RBL1: variants seen among roughly 807,000 people sequenced by gnomAD.
RBL1 encodes the protein retinoblastoma-like protein 1.
Under a neutral mutation model 123.0 loss-of-function variants are expected in RBL1, and 82 were observed. The observed-to-expected ratio is 0.67, with a 90% CI of 0.56 to 0.80. The LOEUF is 0.80. Ranked by LOEUF, RBL1 falls within the 30% of genes least tolerant of loss-of-function variation. RBL1 has a pLI of 0.00. For missense variants in RBL1, 1,171 were observed against 1,299.6 expected (o/e 0.90, Z 1.52); for synonymous variants, 405 against 441.3 (o/e 0.92, Z 1.03).
At chr20:37,072,324 C>T (rs1484890460) in intron 2 of RBL1, among the ~76,000 whole-genome samples, 1 of 152,032 alleles carries the variant, frequency 6.6e-6, no homozygotes, top group Non-Finnish European at 1.5e-5. Context: ...CAAAATTAGC[C>T]GGGCGTGGTG....
intron 2 of RBL1, among the ~76,000 whole-genome samples, chr20:37,080,977 T>G (rs946842311): frequency 7.9e-5 from 12 of 152,116 alleles, no homozygotes; most frequent in African/African-American, 2.9e-4. Flanking sequence ...ATGCATTGGG[T>G]GAAATCCTCT....
chr20:37,048,793 G>A (rs2064855312), intron 11 of RBL1, among the ~76,000 whole-genome samples: 2 of 151,700 alleles, frequency 1.3e-5, no homozygotes, highest in South Asian at 4.2e-4. Flanking sequence ...GCGAGGTGCA[G>A]CAGCATGCAC....
chr20:37,058,552 G>T (rs1304378004), intron 9 of RBL1, among the ~76,000 whole-genome samples: 3 of 150,466 alleles, frequency 2.0e-5, no homozygotes, highest in Non-Finnish European at 4.4e-5. Flanking sequence ...AAGAAACAAT[G>T]ACCAGGTTTT....
At chr20:37,032,312 T>G (rs1055649239) in intron 16 of RBL1, among the ~76,000 whole-genome samples, 1 of 152,036 alleles carries the variant, frequency 6.6e-6, no homozygotes, top group Non-Finnish European at 1.5e-5. Flanking sequence ...GCTAAGCCAG[T>G]CACAAAAACA....
At chr20:37,003,364 T>A (rs2146198231) in intron 21 of RBL1, among the ~76,000 whole-genome samples, 1 of 152,282 alleles carries the variant, frequency 6.6e-6, no homozygotes, top group South Asian at 2.1e-4. Context: ...ATCTACCAAA[T>A]GCACTTTCAC....
At chr20:37,022,556 G>A in intron 17 of RBL1, 94 bp downstream of exon 17, 5 of 1,182,438 alleles carry the variant, frequency 4.2e-6, no homozygotes, top group Non-Finnish European at 5.8e-6. Flanking sequence ...CGAAATCCTG[G>A]GCTCAAGCTA....
intron 11 of RBL1, among the ~76,000 whole-genome samples, chr20:37,050,946 A>G (rs2064900664): frequency 6.6e-6 from 1 of 152,124 alleles, no homozygotes; most frequent in African/African-American, 2.4e-5. Context: ...AATAGAAAAT[A>G]ATGCAACAGT....
At chr20:37,011,928 C>T (rs1450324930) in intron 19 of RBL1, among the ~76,000 whole-genome samples, 1 of 152,224 alleles carries the variant, frequency 6.6e-6, no homozygotes, top group Admixed American at 6.5e-5. Context: ...GATGCCGAGC[C>T]GAAGCTGGAC....
intron 15 of RBL1, among the ~76,000 whole-genome samples, chr20:37,034,182 T>G (rs2064565622): frequency 6.6e-6 from 1 of 151,132 alleles, no homozygotes; most frequent in Non-Finnish European, 1.5e-5. Context: ...AGTGATCCTC[T>G]TGCCTTGGTC....
intron 2 of RBL1, among the ~76,000 whole-genome samples, chr20:37,087,766 GA>G (rs2065573545): frequency 6.6e-6 from 1 of 151,422 alleles, no homozygotes. Flanking sequence ...GTACTTCCAG[GA>G]AAAAAAATGC....
At chr20:37,061,669 T>C (rs529632536) in intron 8 of RBL1, among the ~76,000 whole-genome samples, 89 of 152,318 alleles carry the variant, frequency 5.8e-4, no homozygotes, top group African/African-American at 2.0e-3. Flanking sequence ...AATACAGAGT[T>C]AAGCCTTGGC....
At chr20:37,085,835 G>A (rs2065536537) in intron 2 of RBL1, among the ~76,000 whole-genome samples, 1 of 151,854 alleles carries the variant, frequency 6.6e-6, no homozygotes, top group Non-Finnish European at 1.5e-5. Context: ...ATTTTTAGTA[G>A]AGATGAGGTT....
chr20:37,003,196 C>G (rs1379035305), intron 21 of RBL1, among the ~76,000 whole-genome samples: 1 of 152,200 alleles, frequency 6.6e-6, no homozygotes, highest in Non-Finnish European at 1.5e-5. Context: ...ACATACTGAA[C>G]ATATCTGCTT....
At chr20:37,082,019 A>G (rs775452744) in intron 2 of RBL1, 10 of 456,124 alleles carry the variant, frequency 2.2e-5, no homozygotes, top group Non-Finnish European at 4.0e-5. Flanking sequence ...GACATAGGGC[A>G]GCAGCAGCCC....
At chr20:37,005,517 A>G (rs2064056550) in intron 20 of RBL1, among the ~76,000 whole-genome samples, 2 of 149,072 alleles carry the variant, frequency 1.3e-5, no homozygotes, top group Admixed American at 6.6e-5. Context: ...AGCAGAGAGA[A>G]TAAAAGAGGC....
In RBL1 at chr20:37,055,606, G is replaced by A. The variant is rs765002070; in HGVS notation, c.1414C>T (p.Leu472=). The A allele has an allele frequency of 2.5e-6, 4 of 1,613,838 alleles. No individual in the cohort carries two copies. Among genetic ancestry groups the A allele is most frequent in the Non-Finnish European group, 2.5e-6 (3 of 1,179,968 alleles). Residue 472 remains leucine (L), a synonymous_variant, in exon 11 of 22, where the codon CTA becomes TTA. Transcript: ENST00000373664. The part of the protein sequence containing the change: ...KLAEILYYKI[L]ETVMVQETRR... ...GTTTCCTGAACCATTACAGTCTCTA[G>A]TATTTTATAATACAAAATTTCTGCC... is the stretch of plus-strand genomic sequence containing the variant.
chr20:37,048,377 G>C (rs1021761243), intron 11 of RBL1, among the ~76,000 whole-genome samples: 1 of 152,136 alleles, frequency 6.6e-6, no homozygotes, highest in Non-Finnish European at 1.5e-5. Context: ...AATTGAACTG[G>C]AGACTCAGAG....
At position 37,005,894 on chromosome 20, in the gene RBL1, C is replaced by CTTTTTT. The variant is rs1013303071; in HGVS notation, c.2871+1511_2871+1516dup. ...CTTCTTTTCTTTTTTTTTTTTCTTT[C>CTTTTTT]TTTTTTTTTTTTTTTTTTTGAGGCA... is the stretch of plus-strand genomic sequence containing the variant. On this transcript the variant is annotated intron_variant, in intron 20 of 21. Transcript: ENST00000373664. Among the ~76,000 whole-genome samples the CTTTTTT allele has an allele frequency of 1.5e-3, 149 of 98,104 alleles. 2 individuals are homozygous for CTTTTTT. The highest frequency in any genetic ancestry group is 6.2e-3 in the East Asian group (20 of 3,210). The allele number at this position is 98,104 out of a possible 152,430, so 64.4% of individuals were successfully genotyped here. A position where few individuals can be genotyped will look rare whatever the true frequency, so the allele number is the denominator to read the frequency against.
intron 19 of RBL1, among the ~76,000 whole-genome samples, chr20:37,016,011 G>A (rs372034142): frequency 2.1e-5 from 3 of 144,514 alleles, no homozygotes; most frequent in Non-Finnish European, 3.0e-5. Flanking sequence ...GTGAGCCACC[G>A]TGCCCAGCGG....
Sources: allele counts gnomAD v4.1 joint callset (sites outside exome capture counted in the v4.1 genomes callset), GRCh38; gene constraint gnomAD v4.1.1; transcripts MANE v1.5; gene names NCBI Gene and HGNC (gene_info 2026-07-23, HGNC 2026-07-21).